Variants in CYFIP2 observed in about 807,000 individuals in gnomAD.
The protein encoded by CYFIP2 is cytoplasmic FMR1-interacting protein 2.
Under a neutral mutation model 158.7 loss-of-function variants are expected in CYFIP2, and 29 were observed. The ratio of observed to expected loss-of-function variants is 0.18; its 90% confidence interval spans 0.14 to 0.25. The LOEUF (loss-of-function observed/expected upper bound fraction) is 0.25, where lower values mean the gene tolerates loss of function less well. Ranked by LOEUF, CYFIP2 falls within the 10% of genes least tolerant of loss-of-function variation. The pLI, the probability that CYFIP2 is intolerant of heterozygous loss-of-function variation, is 1.00. For synonymous variants in CYFIP2, 585 were observed against 617.6 expected (o/e 0.95, Z 0.78); for missense variants, 852 against 1,639.5 (o/e 0.52, Z 8.29).
At chr5:157,367,354 C>T (rs903501341) in intron 26 of CYFIP2, among the ~76,000 whole-genome samples, 1 of 152,146 alleles carries the variant, frequency 6.6e-6, no homozygotes, top group African/African-American at 2.4e-5. Context: ...TCTGATATTC[C>T]TTAGGAGGGT....
chr5:157,276,846 C>A (rs1055573773), intron 1 of CYFIP2, among the ~76,000 whole-genome samples: 4 of 152,008 alleles, frequency 2.6e-5, no homozygotes, highest in East Asian at 1.9e-4. Context: ...TTTTTTATGG[C>A]TCCTCTGTTT....
At chr5:157,316,464 A>G (rs1409475424) in intron 13 of CYFIP2, among the ~76,000 whole-genome samples, 6 of 152,354 alleles carry the variant, frequency 3.9e-5, no homozygotes, top group African/African-American at 1.4e-4. Flanking sequence ...ATACCAAACC[A>G]TGAACAGTAG....
At chr5:157,277,469 C>T (rs1185714228) in intron 1 of CYFIP2, among the ~76,000 whole-genome samples, 2 of 152,180 alleles carry the variant, frequency 1.3e-5, no homozygotes, top group African/African-American at 4.8e-5. Flanking sequence ...CTCCTCTCTC[C>T]TATGTTGTCA....
chr5:157,336,444 C>T (rs942251336), intron 21 of CYFIP2, among the ~76,000 whole-genome samples: 5 of 152,190 alleles, frequency 3.3e-5, no homozygotes, highest in African/African-American at 1.2e-4. Flanking sequence ...AACGATTGCC[C>T]ATAAATGACT....
At chr5:157,332,051 C>G (rs1473398895) in intron 20 of CYFIP2, among the ~76,000 whole-genome samples, 4 of 152,182 alleles carry the variant, frequency 2.6e-5, no homozygotes, top group African/African-American at 9.6e-5. Flanking sequence ...TGGGCCCTTG[C>G]TGAGGCAGCT....
Position 157,339,114 on chromosome 5 carries a change from A to C in CYFIP2, c.2443A>C (p.Met815Leu). ...RLTHRLLCKHMTLDSFDAMFR... is the reference protein window; with the variant it reads ...RLTHRLLCKHLTLDSFDAMFR... ...CACGCATCGGCTGCTCTGTAAGCAT[A>C]TGACGCTGGACAGCTTCGATGCCAT... Residue 815 changes from methionine (M) to leucine (L), a missense_variant, in exon 22 of 31, where the codon ATG becomes CTG. Met to Leu is a conservative substitution (Grantham distance 15). Transcript: ENST00000620254. 1.2e-6 allele frequency: 2 copies of C among 1,614,012 alleles called. No homozygotes were observed. Among genetic ancestry groups the C allele is most frequent in the Non-Finnish European group, 1.7e-6 (2 of 1,179,900 alleles).
chr5:157,363,113 T>A (rs1431227388), intron 26 of CYFIP2: 1 of 152,474 alleles, frequency 6.6e-6, no homozygotes, highest in Non-Finnish European at 1.5e-5. Flanking sequence ...CTCTGCCTCA[T>A]GGCTGACTCA....
At chr5:157,300,668 C>A in intron 5 of CYFIP2, 47 bp from the exon 6 acceptor site, 3 of 1,423,890 alleles carry the variant, frequency 2.1e-6, no homozygotes, top group Non-Finnish European at 2.8e-6. Context: ...GACCCTGCCC[C>A]CATAAGGGAG....
intron 1 of CYFIP2, among the ~76,000 whole-genome samples, chr5:157,277,882 T>A (rs939796915): frequency 6.6e-6 from 1 of 152,194 alleles, no homozygotes; most frequent in African/African-American, 2.4e-5. Context: ...ACTACACACC[T>A]AGGCTATATG....
At chr5:157,342,665 G>A in intron 23 of CYFIP2, 1 of 530,892 alleles carries the variant, frequency 1.9e-6, no homozygotes, top group Non-Finnish European at 3.3e-6. Flanking sequence ...TGCCTCGTTT[G>A]TGCCTTGGCA....
chr5:157,311,401 T>C lies in CYFIP2; in HGVS notation c.993-263T>C. The C allele has an allele frequency of 2.0e-6, 1 of 510,426 alleles. No individual in the cohort carries two copies. Among genetic ancestry groups the C allele is most frequent in the Non-Finnish European group, 3.6e-6 (1 of 280,742 alleles). The allele number at this position is 510,426 out of a possible 1,614,324, so 31.6% of individuals were successfully genotyped here. The stretch of plus-strand genomic sequence containing the variant: ...GCCCCTCTCATATTACTGGTAAGTA[T>C]TATGGACCAGGTATCTGGAAAGGCC... On this transcript the variant is annotated intron_variant, in intron 10 of 30. Transcript: ENST00000620254. This position sits in a 1 kb window ranked among gnomAD's most constrained non-coding sequence, Gnocchi z 4.7.
intron 23 of CYFIP2, among the ~76,000 whole-genome samples, chr5:157,346,764 T>C (rs571346048): frequency 6.8e-4 from 103 of 152,320 alleles, no homozygotes; most frequent in South Asian, 2.1e-3. Context: ...CCAGAGTTCC[T>C]CTGAACACAA....
chr5:157,390,415 A>G, intron 29 of CYFIP2, 106 bp from the exon 30 acceptor site: 2 of 1,109,902 alleles, frequency 1.8e-6, no homozygotes. Context: ...TGGCCCAAAG[A>G]CAGGCCTGCT....
At chr5:157,336,923 A>G (rs1357178391) in intron 21 of CYFIP2, among the ~76,000 whole-genome samples, 1 of 152,206 alleles carries the variant, frequency 6.6e-6, no homozygotes, top group Admixed American at 6.5e-5. Context: ...CTGTGCAGGG[A>G]GAAGTGGACC....
intron 26 of CYFIP2, among the ~76,000 whole-genome samples, chr5:157,373,816 C>T (rs1299056773): frequency 1.3e-5 from 2 of 152,216 alleles, no homozygotes; most frequent in East Asian, 3.9e-4. Flanking sequence ...AGTGATGACT[C>T]CTGGGTGGTG....
At chr5:157,280,382 A>C (rs1253773956) in intron 1 of CYFIP2, among the ~76,000 whole-genome samples, 1 of 96,666 alleles carries the variant, frequency 1.0e-5, no homozygotes, top group Non-Finnish European at 2.1e-5. Flanking sequence ...TTTTTTTTGT[A>C]TTTTTAGTAG....
intron 17 of CYFIP2, chr5:157,325,951 T>C: frequency 1.8e-6 from 1 of 557,072 alleles, no homozygotes; most frequent in Non-Finnish European, 3.2e-6. Flanking sequence ...CCCAAATGAA[T>C]TTTTACAAGT....
At chr5:157,351,475 A>G (rs184387336) in intron 23 of CYFIP2, among the ~76,000 whole-genome samples, 10 of 152,306 alleles carry the variant, frequency 6.6e-5, no homozygotes, top group African/African-American at 2.2e-4. Context: ...CAACTCAGAA[A>G]CTTGGGAACT....
Position 157,339,144 on chromosome 5 carries a change from C to G in CYFIP2, c.2473C>G (p.Arg825Gly). The G allele has an allele frequency of 6.2e-7, 1 of 1,614,022 alleles. No individual in the cohort carries two copies. The highest frequency in any genetic ancestry group is 8.5e-7 in the Non-Finnish European group (1 of 1,179,894). ...GCTGGACAGCTTCGATGCCATGTTC[C>G]GAGAGGCCAATCACAATGTGTCCGC... ...MTLDSFDAMF[R>G]EANHNVSAPY... Residue 825 changes from arginine (R) to glycine (G), a missense_variant, in exon 22 of 31, where the codon CGA becomes GGA. Arg to Gly is a moderately radical substitution (Grantham distance 125). Coordinates refer to ENST00000620254, the MANE Select transcript of CYFIP2 (RefSeq NM_001037333.3).
Sources: gnomAD v4.1 joint callset for allele counts (sites outside exome capture counted in the v4.1 genomes callset) on GRCh38, gnomAD v4.1.1 for gene constraint, Gnocchi (gnomAD v3.1) non-coding constraint, MANE v1.5 for transcripts, NCBI Gene and HGNC (gene_info 2026-07-23, HGNC 2026-07-21) for gene names.